TSPEAR: variants seen among roughly 807,000 people sequenced by gnomAD.
TSPEAR encodes the protein thrombospondin type laminin G domain and EAR repeats.
A neutral mutation model predicts 71.6 loss-of-function variants in TSPEAR; 69 were observed. The observed-to-expected ratio is 0.96, with a 90% confidence interval of 0.79 to 1.18. The LOEUF is 1.18. TSPEAR is among the 50% of genes most tolerant of loss of function. TSPEAR has a pLI of 0.00. For synonymous variants in TSPEAR, 402 were observed against 387.2 expected (o/e 1.04, Z -0.45); for missense variants, 971 against 894.9 (o/e 1.09, Z -1.09).
rs202004035 is a variant in TSPEAR at position 44,499,384 on chromosome 21, CCTG to C, written c.*396_*398del. 1,538 of 191,684 alleles carry C rather than the reference CCTG, an allele frequency of 8.0e-3. 23 individuals carry two copies. The highest frequency in any genetic ancestry group is 0.034 in the African/African-American group (1,440 of 42,382). 11.9% of individuals were successfully genotyped at this position (191,684 alleles called of 1,614,324 possible). A position where few individuals can be genotyped will look rare whatever the true frequency, so the allele number is the denominator to read the frequency against. ...GCGGCAATGGCGGGACGGCACCACACCTGCTCAGGCGGCCGGACGCACACTGCA... is the reference window on the plus strand; with the variant it reads ...GCGGCAATGGCGGGACGGCACCACACCTCAGGCGGCCGGACGCACACTGCA... On this transcript the variant is annotated 3_prime_UTR_variant, in exon 12 of 12. Coordinates refer to ENST00000323084, the MANE Select transcript of TSPEAR (RefSeq NM_144991.3).
chr21:44,579,736 A>G (rs782233229), intron 1 of TSPEAR: 95 of 1,595,014 alleles, frequency 6.0e-5, no homozygotes, highest in East Asian at 1.8e-4. Context: ...CACATCAGCA[A>G]CTGGACTCCT....
rs1418966845 is a variant in TSPEAR at position 44,504,250 on chromosome 21, G to A, written c.1856+530C>T. ...CTCGGTGAGCCCTCGGGGGGTAGCT[G>A]GCCTCGGTGAGCCCTCAGGGGGAAG... On this transcript the variant is annotated intron_variant, in intron 11 of 11. Transcript: ENST00000323084. Among the ~76,000 whole-genome samples the A allele has an allele frequency of 8.9e-5, 12 of 134,276 alleles. No individual in the cohort carries two copies. The Admixed American group carries it at 9.1e-4, about 10-fold the overall frequency. 88.1% of individuals were successfully genotyped at this position (134,276 alleles called of 152,430 possible). A position where few individuals can be genotyped will look rare whatever the true frequency, so the allele number is the denominator to read the frequency against.
chr21:44,579,531 G>A lies in TSPEAR; in HGVS notation c.83-11526C>T, dbSNP rs372521098. The A allele has an allele frequency of 8.8e-4, 532 of 601,304 alleles. 5 individuals carry two copies. Among genetic ancestry groups the A allele is most frequent in the African/African-American group, 8.6e-3 (463 of 53,866 alleles). The allele number at this position is 601,304 out of a possible 1,614,324, so 37.2% of individuals were successfully genotyped here. On this transcript the variant is annotated intron_variant, in intron 1 of 11. Transcript: ENST00000323084. Reference sequence around the variant, plus strand: ...TCAAGTCGAGGCCAAGTGACATGGGGCAGAGAAGCTGGGAGGGAGGACAGG... The same window carrying A: ...TCAAGTCGAGGCCAAGTGACATGGGACAGAGAAGCTGGGAGGGAGGACAGG...
chr21:44,547,094 C>A (rs1360369558), intron 2 of TSPEAR, among the ~76,000 whole-genome samples: 3 of 152,362 alleles, frequency 2.0e-5, no homozygotes, highest in East Asian at 3.9e-4. Flanking sequence ...AGCTACTCCT[C>A]AGACTAGAGT....
At chr21:44,702,801 A>C (rs531406211) in intron 1 of TSPEAR, 250 of 1,226,014 alleles carry the variant, frequency 2.0e-4, no homozygotes, top group Non-Finnish European at 2.7e-4. Flanking sequence ...CCAGCTACTG[A>C]CGGGCACGTC....
chr21:44,632,430 T>C lies in TSPEAR; in HGVS notation c.83-64425A>G, dbSNP rs76895113. ...AAACTAAAGGAGAAATTAGGACACT[T>C]CTGGATAAATAAATGCTGAGAGAGT... On this transcript the variant is annotated intron_variant, in intron 1 of 11. Transcript: ENST00000323084. 2.0e-3 allele frequency among the ~76,000 whole-genome samples: 308 copies of C among 152,314 alleles called. 3 individuals carry two copies. The highest frequency in any genetic ancestry group is 7.2e-3 in the African/African-American group (299 of 41,572).
In TSPEAR at chr21:44,576,883, G is replaced by A. The variant is rs188125755; in HGVS notation, c.83-8878C>T. Among the ~76,000 whole-genome samples the A allele has an allele frequency of 1.9e-3, 296 of 152,258 alleles. 1 individual carries two copies. The highest frequency in any genetic ancestry group is 3.8e-3 in the Admixed American group (58 of 15,294). On this transcript the variant is annotated intron_variant, in intron 1 of 11. Transcript: ENST00000323084. Reference sequence around the variant, plus strand: ...GGAACATCCACCAACATAAACCACCGGAGAGGCCTGAGAGCAAGTCTCAGT... The same window carrying A: ...GGAACATCCACCAACATAAACCACCAGAGAGGCCTGAGAGCAAGTCTCAGT...
At chr21:44,700,586 G>A (rs1014842353) in intron 1 of TSPEAR, among the ~76,000 whole-genome samples, 9 of 152,170 alleles carry the variant, frequency 5.9e-5, no homozygotes, top group South Asian at 2.1e-4. Flanking sequence ...CATGAAGTCC[G>A]TGGTTTGAAT....
At chr21:44,627,984 C>T in intron 1 of TSPEAR, 1 of 1,611,220 alleles carries the variant, frequency 6.2e-7, no homozygotes, top group East Asian at 2.2e-5. Flanking sequence ...TGTCCCTTCT[C>T]TGCCGCCCTG....
intron 2 of TSPEAR, among the ~76,000 whole-genome samples, chr21:44,560,769 G>C (rs1555920891): frequency 1.3e-5 from 2 of 152,140 alleles, no homozygotes. Flanking sequence ...AAATCAAGAA[G>C]TTATTTGAAA....
intron 2 of TSPEAR, chr21:44,539,325 C>A: frequency 6.2e-7 from 1 of 1,611,730 alleles, no homozygotes; most frequent in South Asian, 1.1e-5. Context: ...CGGGAGCACG[C>A]GGGGCGGCAG....
intron 1 of TSPEAR, among the ~76,000 whole-genome samples, 187 bp from the exon 2 acceptor site, chr21:44,568,192 G>A (rs2053728764): frequency 6.6e-6 from 1 of 152,188 alleles, no homozygotes; most frequent in Non-Finnish European, 1.5e-5. Flanking sequence ...AGGTGTGCCC[G>A]TGTGGCCTCC....
At chr21:44,604,936 A>C (rs1981214767) in intron 1 of TSPEAR, among the ~76,000 whole-genome samples, 1 of 152,222 alleles carries the variant, frequency 6.6e-6, no homozygotes, top group Admixed American at 6.5e-5. Context: ...GATAAATCCC[A>C]CTGGATCATA....
chr21:44,540,440 A>G (rs2053199688), intron 2 of TSPEAR, among the ~76,000 whole-genome samples: 1 of 152,084 alleles, frequency 6.6e-6, no homozygotes, highest in South Asian at 2.1e-4. Flanking sequence ...TGGGGGCAAG[A>G]GTGGAGGTGG....
intron 2 of TSPEAR, among the ~76,000 whole-genome samples, chr21:44,547,833 C>G (rs1170471440): frequency 6.6e-6 from 1 of 152,128 alleles, no homozygotes; most frequent in Non-Finnish European, 1.5e-5. Context: ...ACCTTCCCTT[C>G]CTGCTTGCTC....
intron 11 of TSPEAR, among the ~76,000 whole-genome samples, chr21:44,504,372 C>G (rs1363152676): frequency 1.2e-4 from 16 of 133,604 alleles, no homozygotes; most frequent in Non-Finnish European, 2.0e-4. Flanking sequence ...GGAAGCAAGT[C>G]TCTTGGAGGA....
At chr21:44,615,826 C>G (rs1419798936) in intron 1 of TSPEAR, among the ~76,000 whole-genome samples, 1 of 152,224 alleles carries the variant, frequency 6.6e-6, no homozygotes, top group African/African-American at 2.4e-5. Flanking sequence ...GCCCTGGTGA[C>G]CCTGAGGTTC....
chr21:44,562,313 T>A (rs1484831872), intron 2 of TSPEAR, among the ~76,000 whole-genome samples: 2 of 152,288 alleles, frequency 1.3e-5, no homozygotes, highest in South Asian at 2.1e-4. Flanking sequence ...TACAAATCAC[T>A]GCTCAAGGAA....
At chr21:44,690,565 C>T (rs1555949627) in intron 1 of TSPEAR, 25 of 985,392 alleles carry the variant, frequency 2.5e-5, no homozygotes, top group African/African-American at 5.2e-5. Flanking sequence ...TCATGATGTC[C>T]GGGAGGTCAG....
Sources: gnomAD v4.1 joint callset for allele counts (sites outside exome capture counted in the v4.1 genomes callset) on GRCh38, gnomAD v4.1.1 for gene constraint, MANE v1.5 for transcripts, NCBI Gene and HGNC (gene_info 2026-07-23, HGNC 2026-07-21) for gene names.